The following FGF12 variants were observed in gnomAD, a reference collection of about 807,000 sequenced individuals.
FGF12 encodes the protein fibroblast growth factor 12.
FGF12 carries 14 observed loss-of-function variants against 23.6 expected under a neutral mutation model. That is an observed-to-expected ratio of 0.59 (90% CI 0.39 to 0.93). The LOEUF (loss-of-function observed/expected upper bound fraction) is 0.93. Ranked by LOEUF, FGF12 falls within the 40% of genes least tolerant of loss-of-function variation. The pLI is 0.00. For missense variants in FGF12, 175 were observed against 217.8 expected (o/e 0.80, Z 1.24); for synonymous variants, 62 against 77.3 (o/e 0.80, Z 1.04).
chr3:192,469,481 A>T (rs1723108919), intron 2 of FGF12, among the ~76,000 whole-genome samples: 1 of 152,212 alleles, frequency 6.6e-6, no homozygotes, highest in South Asian at 2.1e-4. Context: ...TTCTCAAAAG[A>T]TGAGAAACCT....
At chr3:192,196,672 C>T (rs1717085512) in intron 4 of FGF12, among the ~76,000 whole-genome samples, 1 of 152,054 alleles carries the variant, frequency 6.6e-6, no homozygotes, top group African/African-American at 2.4e-5. Flanking sequence ...TCTAACTTTC[C>T]GTCAAAAATA....
chr3:192,592,061 A>G (rs971122293), intron 2 of FGF12, among the ~76,000 whole-genome samples: 2 of 151,962 alleles, frequency 1.3e-5, no homozygotes, highest in East Asian at 3.9e-4. Context: ...AGGGGGAAAA[A>G]AAAATCTCTA....
chr3:192,525,868 A>G (rs1724933857), intron 2 of FGF12, among the ~76,000 whole-genome samples: 1 of 152,124 alleles, frequency 6.6e-6, no homozygotes, highest in African/African-American at 2.4e-5. Flanking sequence ...TCCGCCTTCC[A>G]GGTTCAAGTG....
At chr3:192,361,343 G>A (rs556063085) in intron 2 of FGF12, among the ~76,000 whole-genome samples, 9 of 151,890 alleles carry the variant, frequency 5.9e-5, no homozygotes, top group African/African-American at 9.7e-5. Context: ...CTTTCTCATC[G>A]CAGTGCTGGC....
chr3:192,255,752 A>G (rs1211176884), intron 4 of FGF12, among the ~76,000 whole-genome samples: 2 of 152,122 alleles, frequency 1.3e-5, no homozygotes, highest in Admixed American at 1.3e-4. Flanking sequence ...AGTTTTTAAC[A>G]TGAAAGAAAT....
intron 4 of FGF12, among the ~76,000 whole-genome samples, chr3:192,269,095 A>T (rs773346306): frequency 9.9e-5 from 15 of 151,864 alleles, no homozygotes; most frequent in Non-Finnish European, 1.9e-4. Context: ...TTGTATTTTT[A>T]GTAGAGAAAG....
At chr3:192,564,400 C>T (rs1368027542) in intron 2 of FGF12, among the ~76,000 whole-genome samples, 1 of 152,134 alleles carries the variant, frequency 6.6e-6, no homozygotes, top group East Asian at 1.9e-4. Flanking sequence ...CTAGAAGTTC[C>T]AGATGCTCCA....
chr3:192,713,756 T>G (rs1365370095), intron 2 of FGF12, among the ~76,000 whole-genome samples: 1 of 152,224 alleles, frequency 6.6e-6, no homozygotes, highest in Non-Finnish European at 1.5e-5. Flanking sequence ...CTTTTACCAA[T>G]CAAGCTGAGA....
At chr3:192,210,889 T>TG (rs1208555811) in intron 4 of FGF12, among the ~76,000 whole-genome samples, 2 of 152,144 alleles carry the variant, frequency 1.3e-5, no homozygotes, top group African/African-American at 4.8e-5. Context: ...AAGACAGTGA[T>TG]GAGGCCAGGG....
At chr3:192,396,275 G>T (rs1720514805) in intron 2 of FGF12, among the ~76,000 whole-genome samples, 1 of 152,166 alleles carries the variant, frequency 6.6e-6, no homozygotes, top group Non-Finnish European at 1.5e-5. Flanking sequence ...ACAAAAGAAG[G>T]CAAGGATTTT....
chr3:192,378,256 G>A (rs765320564), intron 2 of FGF12, among the ~76,000 whole-genome samples: 17 of 149,398 alleles, frequency 1.1e-4, no homozygotes, highest in South Asian at 4.2e-4. Flanking sequence ...GACTACAGGC[G>A]TGTGCTATCA....
In FGF12 at chr3:192,409,794, C is replaced by T. The variant is rs888446638; in HGVS notation, c.14-49256G>A. Among the ~76,000 whole-genome samples, 1 of 152,042 alleles carries T rather than the reference C, an allele frequency of 6.6e-6. No individual in the cohort carries two copies. The highest frequency in any genetic ancestry group is 2.4e-5 in the African/African-American group (1 of 41,430). On this transcript the variant is annotated intron_variant, in intron 2 of 5. Transcript: ENST00000445105. This position sits in a 1 kb window ranked among gnomAD's most constrained non-coding sequence, Gnocchi z 4.8. ...GAGGGCGCAACCCGGGCGCTTGGGG[C>T]CGGAGGCGGAATCAGGGGCCGGGGC...
At chr3:192,647,402 G>A (rs1716044039) in intron 2 of FGF12, among the ~76,000 whole-genome samples, 1 of 152,018 alleles carries the variant, frequency 6.6e-6, no homozygotes, top group Admixed American at 6.6e-5. Context: ...TAAGAAGATA[G>A]AGAGGGGTTA....
intron 4 of FGF12, among the ~76,000 whole-genome samples, chr3:192,325,563 G>C (rs950157757): frequency 2.6e-5 from 4 of 152,100 alleles, no homozygotes; most frequent in African/African-American, 9.7e-5. Context: ...TTGTGAATAT[G>C]CCTCAGATTT....
At chr3:192,569,304 GT>G (rs1712487948) in intron 2 of FGF12, among the ~76,000 whole-genome samples, 1 of 152,156 alleles carries the variant, frequency 6.6e-6, no homozygotes, top group Non-Finnish European at 1.5e-5. Context: ...TCTAATGAAT[GT>G]TTATTTCTCA....
chr3:192,313,939 G>A (rs547709856), intron 4 of FGF12, among the ~76,000 whole-genome samples: 38 of 152,294 alleles, frequency 2.5e-4, no homozygotes, highest in Non-Finnish European at 4.6e-4. Flanking sequence ...CAATCTGGAG[G>A]TGGAGACTTA....
chr3:192,674,062 C>T lies in FGF12; in HGVS notation c.13+53119G>A, dbSNP rs1038488854. Reference sequence around the variant, plus strand: ...GACTAGACTCTCTTATTGAGTGATTCCTCCTACATCCAATGTTGCAACTCA... The same window carrying T: ...GACTAGACTCTCTTATTGAGTGATTTCTCCTACATCCAATGTTGCAACTCA... On this transcript the variant is annotated intron_variant, in intron 2 of 5. Coordinates refer to ENST00000445105, the MANE Select transcript of FGF12 (RefSeq NM_004113.6). 6.0e-5 allele frequency among the ~76,000 whole-genome samples: 9 copies of T among 151,020 alleles called. 1 individual carries two copies. The highest frequency in any genetic ancestry group is 2.1e-4 in the South Asian group (1 of 4,762).
chr3:192,645,703 T>C (rs1239146702), intron 2 of FGF12, among the ~76,000 whole-genome samples: 5 of 148,246 alleles, frequency 3.4e-5, no homozygotes, highest in Non-Finnish European at 7.4e-5. Context: ...AAATATTTAC[T>C]GAATGCCTAT....
At chr3:192,355,986 T>C (rs1159386688) in intron 3 of FGF12, among the ~76,000 whole-genome samples, 1 of 152,238 alleles carries the variant, frequency 6.6e-6, no homozygotes, top group Admixed American at 6.5e-5. Context: ...CCAAGTCTTC[T>C]TGGGAGTGTC....
Sources: allele counts gnomAD v4.1 joint callset (sites outside exome capture counted in the v4.1 genomes callset), GRCh38; gene constraint gnomAD v4.1.1; non-coding constraint Gnocchi (gnomAD v3.1); transcripts MANE v1.5; gene names NCBI Gene and HGNC (gene_info 2026-07-23, HGNC 2026-07-21).